The following FRMPD4 variants were observed in gnomAD, a reference collection of about 807,000 sequenced individuals.
FRMPD4 encodes the protein FERM and PDZ domain containing 4.
In FRMPD4, 22 loss-of-function variants were observed where a neutral mutation model predicts 94.1. That is an observed-to-expected ratio of 0.23 (90% CI 0.17 to 0.33). The LOEUF (loss-of-function observed/expected upper bound fraction) is 0.33. Ranked by LOEUF, FRMPD4 falls within the 10% of genes least tolerant of loss-of-function variation. The pLI, the probability that FRMPD4 is intolerant of heterozygous loss-of-function variation, is 1.00. For missense variants in FRMPD4, 1,111 were observed against 1,339.9 expected (o/e 0.83, Z 2.67); for synonymous variants, 631 against 548.6 (o/e 1.15, Z -2.10).
At chrX:12,385,757 C>T (rs1485709424) in intron 1 of FRMPD4, among the ~76,000 whole-genome samples, 1 of 112,164 alleles carries the variant, frequency 8.9e-6, no homozygotes, top group Admixed American at 9.4e-5. Flanking sequence ...CAAAGAGTTT[C>T]TAAGAATAAT....
intron 1 of FRMPD4, among the ~76,000 whole-genome samples, chrX:12,293,866 A>G (rs937181770): frequency 7.0e-4 from 79 of 112,394 alleles, no homozygotes; most frequent in African/African-American, 2.5e-3. Context: ...CATTAAAGCT[A>G]TCTTTGACTA....
chrX:12,379,607 A>G (rs2056291003), intron 1 of FRMPD4, among the ~76,000 whole-genome samples: 1 of 108,946 alleles, frequency 9.2e-6, no homozygotes, highest in Non-Finnish European at 1.9e-5. Context: ...TATGTTATAA[A>G]TTTATATATA....
chrX:12,106,784 C>T (rs1443093930), intron 3 of FRMPD4, among the ~76,000 whole-genome samples: 3 of 111,776 alleles, frequency 2.7e-5, no homozygotes, highest in East Asian at 2.8e-4. Flanking sequence ...CCCACACCCA[C>T]GGAGCCTCAC....
chrX:12,387,016 G>A (rs5979612), intron 1 of FRMPD4, among the ~76,000 whole-genome samples: 32,322 of 111,017 alleles, frequency 0.29, 4,123 homozygotes, highest in African/African-American at 0.49. Context: ...AACATAAAGA[G>A]AAGCTTTTTT....
chrX:11,945,275 A>C (rs1220214244), intron 3 of FRMPD4, among the ~76,000 whole-genome samples: 1 of 112,319 alleles, frequency 8.9e-6, no homozygotes, highest in African/African-American at 3.2e-5. Flanking sequence ...TGTAGAGTAT[A>C]ATTATGGTTT....
At chrX:12,461,940 C>T (rs1481407467) in intron 1 of FRMPD4, among the ~76,000 whole-genome samples, 1 of 111,958 alleles carries the variant, frequency 8.9e-6, no homozygotes, top group African/African-American at 3.2e-5. Flanking sequence ...CCAAATATCT[C>T]AGTGGCTTCC....
At chrX:12,650,602 T>C (rs774053439) in intron 4 of FRMPD4, among the ~76,000 whole-genome samples, 1 of 111,907 alleles carries the variant, frequency 8.9e-6, no homozygotes, top group African/African-American at 3.2e-5. Context: ...CATTTGGAAA[T>C]CATCATAGTA....
chrX:12,281,970 A>G (rs2054532681), intron 1 of FRMPD4, among the ~76,000 whole-genome samples: 1 of 111,610 alleles, frequency 9.0e-6, no homozygotes, highest in Non-Finnish European at 1.9e-5. Flanking sequence ...TCTTGTATGT[A>G]TCTGCAAATT....
chrX:12,525,708 A>T (rs976256359), intron 2 of FRMPD4, among the ~76,000 whole-genome samples: 7 of 112,037 alleles, frequency 6.2e-5, no homozygotes, highest in African/African-American at 2.3e-4. Flanking sequence ...TACTCTTTTA[A>T]AAGAAACTGC....
At chrX:12,520,960 T>A (rs1037569350) in intron 2 of FRMPD4, among the ~76,000 whole-genome samples, 2 of 112,002 alleles carry the variant, frequency 1.8e-5, no homozygotes, top group Non-Finnish European at 3.8e-5. Context: ...ACAGTAAATA[T>A]TTTAGGCTTT....
chrX:11,941,488 C>A (rs993041477), intron 3 of FRMPD4, among the ~76,000 whole-genome samples: 1 of 112,044 alleles, frequency 8.9e-6, no homozygotes, highest in Non-Finnish European at 1.9e-5. Context: ...CACAGTTAGC[C>A]GTATGCCACT....
In FRMPD4 at chrX:12,702,328, C is replaced by T. The variant is rs375246243; in HGVS notation, c.1070+318C>T. ...AATTTGTTTAATTCTCACAACACCC[C>T]TATGAGATTAGTAGGATTTTAGCTT... On this transcript the variant is annotated intron_variant, in intron 10 of 16. Coordinates refer to ENST00000675598, the MANE Select transcript of FRMPD4 (RefSeq NM_001368397.1). Among the ~76,000 whole-genome samples, 5 of 112,237 alleles carry T rather than the reference C, an allele frequency of 4.5e-5. No homozygotes were observed. In the East Asian group the frequency reaches 1.1e-3, roughly 25 times the overall value.
intron 1 of FRMPD4, among the ~76,000 whole-genome samples, chrX:12,476,016 A>C (rs950827708): frequency 4.5e-5 from 5 of 112,067 alleles, no homozygotes; most frequent in African/African-American, 1.6e-4. Flanking sequence ...GTCAATCCTA[A>C]GCCAAAAGAA....
At chrX:12,319,007 G>A (rs887344731) in intron 1 of FRMPD4, among the ~76,000 whole-genome samples, 4 of 111,556 alleles carry the variant, frequency 3.6e-5, no homozygotes, top group Admixed American at 9.5e-5. Flanking sequence ...AAAAATCAGA[G>A]TTGTTTGGGA....
At chrX:11,877,530 T>A (rs1049303144) in intron 2 of FRMPD4, among the ~76,000 whole-genome samples, 2 of 111,882 alleles carry the variant, frequency 1.8e-5, no homozygotes, top group Non-Finnish European at 3.8e-5. Flanking sequence ...TTCAGAGGGG[T>A]CAGCACAGAA....
At chrX:12,640,235 G>C (rs1259168347) in intron 4 of FRMPD4, among the ~76,000 whole-genome samples, 1 of 93,641 alleles carries the variant, frequency 1.1e-5, no homozygotes, top group Non-Finnish European at 2.1e-5. Flanking sequence ...GGAGGTGGAA[G>C]TTGCAGTGAG....
intron 3 of FRMPD4, among the ~76,000 whole-genome samples, chrX:12,099,136 G>A (rs1263106544): frequency 9.4e-6 from 1 of 105,856 alleles, no homozygotes; most frequent in Non-Finnish European, 2.0e-5. Context: ...CGAGTTAGTG[G>A]GTGCAGCGCA....
rs145650009 is a variant in FRMPD4 at position 12,422,358 on chromosome X, G to A, written c.42-76322G>A. Among the ~76,000 whole-genome samples the A allele has an allele frequency of 6.9e-3, 775 of 112,355 alleles. 8 individuals are homozygous for A. Among genetic ancestry groups the A allele is most frequent in the African/African-American group, 0.023 (705 of 30,939 alleles). On this transcript the variant is annotated intron_variant, in intron 1 of 16. Coordinates refer to ENST00000675598, the MANE Select transcript of FRMPD4 (RefSeq NM_001368397.1). ...GGGGTTTGAAACCTGAATAGGGAGC[G>A]TCTTCCTCTTATTACATTCACTTTA...
chrX:12,021,382 T>A (rs749201354), intron 3 of FRMPD4, among the ~76,000 whole-genome samples: 2 of 111,871 alleles, frequency 1.8e-5, no homozygotes, highest in South Asian at 7.5e-4. Context: ...TAAAAAAAAA[T>A]TATTGGTTTA....
Sources: gnomAD v4.1 joint callset for allele counts (sites outside exome capture counted in the v4.1 genomes callset) on GRCh38, gnomAD v4.1.1 for gene constraint, MANE v1.5 for transcripts, NCBI Gene and HGNC (gene_info 2026-07-23, HGNC 2026-07-21) for gene names.